The following DCC variants were observed in gnomAD, a reference collection of about 807,000 sequenced individuals.
DCC encodes DCC netrin 1 receptor.
DCC carries 58 observed loss-of-function variants against 172.5 expected under a neutral mutation model. That is an observed-to-expected ratio of 0.34 (90% CI 0.27 to 0.42). The LOEUF is 0.42. Among genes scored for constraint, DCC ranks in the 10% least tolerant of loss-of-function variants. DCC has a pLI of 1.00. For missense variants in DCC, 1,740 were observed against 1,791.0 expected (o/e 0.97, Z 0.51); for synonymous variants, 709 against 644.5 (o/e 1.10, Z -1.52).
chr18:52,874,960 T>C (rs2039379743), intron 2 of DCC, among the ~76,000 whole-genome samples: 1 of 152,010 alleles, frequency 6.6e-6, no homozygotes, highest in Non-Finnish European at 1.5e-5. Context: ...TTGGTGGACT[T>C]TGGGCTGTGG....
intron 7 of DCC, among the ~76,000 whole-genome samples, chr18:53,095,260 G>A (rs554703831): frequency 1.3e-5 from 2 of 152,268 alleles, no homozygotes; most frequent in East Asian, 3.9e-4. Flanking sequence ...TGAAGGAGGT[G>A]AGCACATCAA....
At chr18:52,664,216 G>A (rs2035417697) in intron 1 of DCC, among the ~76,000 whole-genome samples, 1 of 152,050 alleles carries the variant, frequency 6.6e-6, no homozygotes, top group African/African-American at 2.4e-5. Flanking sequence ...AGAGAAAACT[G>A]AATTATTTTG....
rs59610003 is a variant in DCC at position 53,184,458 on chromosome 18, T to C, written c.1573+5342T>C. Among the ~76,000 whole-genome samples, 252 of 152,206 alleles carry C rather than the reference T, an allele frequency of 1.7e-3. 2 individuals are homozygous for C. Among genetic ancestry groups the C allele is most frequent in the African/African-American group, 6.0e-3 (248 of 41,566 alleles). On this transcript the variant is annotated intron_variant, in intron 9 of 28. Coordinates refer to ENST00000442544, the MANE Select transcript of DCC (RefSeq NM_005215.4). ...TAGAGCCTACTACACACCTAGGCTC[T>C]ATGGTATAGTCTACTACACACCTAG...
intron 1 of DCC, among the ~76,000 whole-genome samples, chr18:52,734,052 T>G (rs11877459): frequency 0.036 from 5,547 of 152,202 alleles, 135 homozygotes; most frequent in Admixed American, 0.049. Flanking sequence ...TATGAACATC[T>G]GTATCATCTT....
intron 2 of DCC, among the ~76,000 whole-genome samples, chr18:52,897,129 T>TC (rs984049761): frequency 2.0e-5 from 3 of 152,024 alleles, no homozygotes; most frequent in African/African-American, 7.3e-5. Context: ...ATTATAGGAG[T>TC]CCCCAAATGG....
chr18:53,509,727 G>A (rs1768938638), intron 27 of DCC, among the ~76,000 whole-genome samples: 1 of 152,176 alleles, frequency 6.6e-6, no homozygotes, highest in Non-Finnish European at 1.5e-5. Flanking sequence ...TCTATAACAG[G>A]TTAAGAACCA....
intron 1 of DCC, among the ~76,000 whole-genome samples, chr18:52,567,892 C>T (rs1051663681): frequency 6.6e-6 from 1 of 152,004 alleles, no homozygotes; most frequent in African/African-American, 2.4e-5. Flanking sequence ...GTGATGATAA[C>T]TATTCAAATT....
intron 1 of DCC, among the ~76,000 whole-genome samples, chr18:52,537,714 G>A (rs1442173844): frequency 6.6e-6 from 1 of 152,186 alleles, no homozygotes; most frequent in Non-Finnish European, 1.5e-5. Flanking sequence ...CAGATTCCAA[G>A]AGAAAATGGC....
At chr18:52,783,880 G>A (rs2037602995) in intron 2 of DCC, among the ~76,000 whole-genome samples, 1 of 151,936 alleles carries the variant, frequency 6.6e-6, no homozygotes, top group Non-Finnish European at 1.5e-5. Context: ...ACAATGTGGA[G>A]GAATGATCAA....
chr18:52,676,140 A>G (rs187136547), intron 1 of DCC, among the ~76,000 whole-genome samples: 1 of 152,370 alleles, frequency 6.6e-6, no homozygotes, highest in African/African-American at 2.4e-5. Context: ...ACAATGGAAC[A>G]GGAAACAGGA....
intron 1 of DCC, among the ~76,000 whole-genome samples, chr18:52,430,907 T>C (rs1371197918): frequency 1.3e-5 from 2 of 152,172 alleles, no homozygotes; most frequent in Non-Finnish European, 2.9e-5. Context: ...ATAAAACTTC[T>C]TGATCCTCTT....
intron 18 of DCC, among the ~76,000 whole-genome samples, chr18:53,400,767 A>T (rs1324776167): frequency 6.6e-6 from 1 of 152,170 alleles, no homozygotes; most frequent in Non-Finnish European, 1.5e-5. Context: ...TAAATTAAAT[A>T]ACTAATTCTT....
chr18:53,445,896 T>C (rs1423764375), intron 22 of DCC, among the ~76,000 whole-genome samples: 2 of 151,742 alleles, frequency 1.3e-5, no homozygotes, highest in East Asian at 1.9e-4. Flanking sequence ...CCCACACTAT[T>C]ATGCTAACAG....
intron 1 of DCC, among the ~76,000 whole-genome samples, chr18:52,617,534 C>T (rs1439894560): frequency 6.6e-6 from 1 of 152,134 alleles, no homozygotes; most frequent in Non-Finnish European, 1.5e-5. Flanking sequence ...GCCTCTCACT[C>T]TTTTTCAAGT....
intron 2 of DCC, among the ~76,000 whole-genome samples, chr18:52,856,158 T>G (rs766688599): frequency 1.3e-5 from 2 of 152,208 alleles, no homozygotes; most frequent in Non-Finnish European, 2.9e-5. Flanking sequence ...TTAAATAATT[T>G]AAGTCAATGT....
intron 7 of DCC, among the ~76,000 whole-genome samples, chr18:53,116,688 T>C (rs1325974245): frequency 6.6e-6 from 1 of 151,790 alleles, no homozygotes; most frequent in Non-Finnish European, 1.5e-5. Flanking sequence ...AGGAGGTTGC[T>C]TTAAATCCAG....
intron 15 of DCC, among the ~76,000 whole-genome samples, chr18:53,367,718 T>C (rs1470994366): frequency 6.6e-6 from 1 of 152,082 alleles, no homozygotes; most frequent in Non-Finnish European, 1.5e-5. Flanking sequence ...CACACTAATT[T>C]CCATCTCTAT....
In DCC at chr18:52,771,883, A is replaced by AG. The variant is rs1160093676; in HGVS notation, c.412+19509_412+19510insG. ...TGTAGAAACTTGTGAAAAAAAAAAA[A>AG]AAAGAAAAAGAAAGAACAAGGCCCA... On this transcript the variant is annotated intron_variant, in intron 2 of 28. Coordinates refer to ENST00000442544, the MANE Select transcript of DCC (RefSeq NM_005215.4). Among the ~76,000 whole-genome samples, 130 of 123,592 alleles carry AG rather than the reference A, an allele frequency of 1.1e-3. No individual in the cohort carries two copies. In the East Asian group the frequency reaches 0.014, roughly 13 times the overall value. The allele number at this position is 123,592 out of a possible 152,430, so 81.1% of individuals were successfully genotyped here.
intron 3 of DCC, among the ~76,000 whole-genome samples, chr18:52,921,806 T>A (rs1303034148): frequency 6.6e-6 from 1 of 151,888 alleles, no homozygotes; most frequent in East Asian, 1.9e-4. Context: ...AATTTTTTTT[T>A]CTTTTTTAGC....
Sources: gnomAD v4.1 joint callset for allele counts (sites outside exome capture counted in the v4.1 genomes callset) on GRCh38, gnomAD v4.1.1 for gene constraint, MANE v1.5 for transcripts, NCBI Gene and HGNC (gene_info 2026-07-23, HGNC 2026-07-21) for gene names.